OCIAD2: variants seen among roughly 807,000 people sequenced by gnomAD.
The protein encoded by OCIAD2 is OCIA domain containing 2, also known as OCIA domain-containing protein 2.
OCIAD2 carries 29 observed loss-of-function variants against 22.9 expected under a neutral mutation model. The ratio of observed to expected loss-of-function variants is 1.27; its 90% CI spans 0.94 to 1.73. OCIAD2 has a LOEUF of 1.73. Ranked by LOEUF, OCIAD2 falls within the 40% of genes most tolerant of loss-of-function variation. OCIAD2 has a pLI of 0.00. For synonymous variants in OCIAD2, 67 were observed against 60.2 expected (o/e 1.11, Z -0.52); for missense variants, 189 against 180.3 (o/e 1.05, Z -0.28).
chr4:48,892,185 G>A (rs1381944696), intron 6 of OCIAD2, among the ~76,000 whole-genome samples: 1 of 152,232 alleles, frequency 6.6e-6, no homozygotes, highest in Admixed American at 6.5e-5. Flanking sequence ...AGCACTTACT[G>A]AGTGTCATGA....
chr4:48,898,001 A>C (rs1781337207), intron 3 of OCIAD2, 144 bp from the exon 4 acceptor site: 1 of 649,622 alleles, frequency 1.5e-6, no homozygotes, highest in Non-Finnish European at 2.7e-6. Flanking sequence ...TATTCAACAA[A>C]TATTTATTAA....
chr4:48,904,779 T>A (rs952582287), intron 1 of OCIAD2, 168 bp from the exon 2 acceptor site: 2 of 596,646 alleles, frequency 3.4e-6, no homozygotes, highest in African/African-American at 3.7e-5. Flanking sequence ...CACACATACA[T>A]GCACTCACTA....
chr4:48,888,445 C>G (rs1171763896), intron 6 of OCIAD2, among the ~76,000 whole-genome samples: 2 of 152,128 alleles, frequency 1.3e-5, no homozygotes, highest in Non-Finnish European at 2.9e-5. Context: ...CAGTTTTTTC[C>G]CATTCAGTAT....
intron 2 of OCIAD2, among the ~76,000 whole-genome samples, 195 bp downstream of exon 2, chr4:48,904,289 C>T (rs1462755221): frequency 6.6e-6 from 1 of 151,932 alleles, no homozygotes; most frequent in African/African-American, 2.4e-5. Context: ...TCATGTCTAA[C>T]CACAAAAAAA....
At chr4:48,905,614 A>C (rs543514576) in intron 1 of OCIAD2, among the ~76,000 whole-genome samples, 1 of 152,304 alleles carries the variant, frequency 6.6e-6, no homozygotes, top group Non-Finnish European at 1.5e-5. Flanking sequence ...TGGCCACTGC[A>C]TTCTGCAGCC....
intron 2 of OCIAD2, among the ~76,000 whole-genome samples, chr4:48,901,525 T>C (rs1368482492): frequency 7.8e-6 from 1 of 128,068 alleles, no homozygotes; most frequent in Admixed American, 7.5e-5. Context: ...TCCAGTTTTC[T>C]AAGCTGATAG....
chr4:48,904,037 C>G (rs1781474079), intron 2 of OCIAD2, among the ~76,000 whole-genome samples: 2 of 152,026 alleles, frequency 1.3e-5, no homozygotes, highest in African/African-American at 4.8e-5. Flanking sequence ...CTTCCCCATC[C>G]TATTTTCCCT....
chr4:48,906,226 G>A (rs1019077556), intron 1 of OCIAD2, among the ~76,000 whole-genome samples: 1 of 152,138 alleles, frequency 6.6e-6, no homozygotes, highest in African/African-American at 2.4e-5. Flanking sequence ...CACCCCCCAC[G>A]CTGGGGTGGT....
At chr4:48,887,138 T>C (rs1281019603) in intron 6 of OCIAD2, among the ~76,000 whole-genome samples, 2 of 152,246 alleles carry the variant, frequency 1.3e-5, no homozygotes, top group African/African-American at 2.4e-5. Flanking sequence ...ATAAATGTCT[T>C]CTTTTGAGAA....
intron 3 of OCIAD2, among the ~76,000 whole-genome samples, chr4:48,899,371 G>C (rs576317471): frequency 1.3e-5 from 2 of 152,284 alleles, no homozygotes; most frequent in East Asian, 3.9e-4. Flanking sequence ...AGTATTAATG[G>C]AACGCGGCCA....
rs569095303 is a variant in OCIAD2 at position 48,903,390 on chromosome 4, A to C, written c.66+1094T>G. Reference sequence around the variant, plus strand: ...GCAAAATATTGCCTGTAATCTCAGCACTTTGGGAGGCTGAGGTGGGAGGAT... The same window carrying C: ...GCAAAATATTGCCTGTAATCTCAGCCCTTTGGGAGGCTGAGGTGGGAGGAT... On this transcript the variant is annotated intron_variant, in intron 2 of 6. Coordinates refer to ENST00000508632, the MANE Select transcript of OCIAD2 (RefSeq NM_001014446.3). 7.0e-4 allele frequency among the ~76,000 whole-genome samples: 107 copies of C among 152,128 alleles called. No individual in the cohort carries two copies. The South Asian group carries it at 8.9e-3, about 13-fold the overall frequency.
intron 2 of OCIAD2, among the ~76,000 whole-genome samples, chr4:48,903,635 GTTT>G (rs35445469): frequency 1.5e-5 from 2 of 133,478 alleles, no homozygotes; most frequent in Non-Finnish European, 3.2e-5. Context: ...TAAAGAAAGG[GTTT>G]TTTTTTTTTT....
chr4:48,885,678 G>T (rs1324488512), intron 6 of OCIAD2, 113 bp from the exon 7 acceptor site: 2 of 648,170 alleles, frequency 3.1e-6, no homozygotes, highest in Non-Finnish European at 2.7e-6. Flanking sequence ...TAGAGATGTG[G>T]GGGGAGTCTA....
At chr4:48,901,654 A>C (rs1188977008) in intron 2 of OCIAD2, among the ~76,000 whole-genome samples, 1 of 152,180 alleles carries the variant, frequency 6.6e-6, no homozygotes, top group Non-Finnish European at 1.5e-5. Flanking sequence ...AATTCCTGTA[A>C]TTGGATCTGG....
rs374847275 is a variant in OCIAD2, at chr4:48,887,654, C to T, written c.384-2089G>A. ...CAAAGATCAGATAGTTGTAGATATG[C>T]GGCATTATTTCTGAGGGCTCTGTTC... is the stretch of plus-strand genomic sequence containing the variant. On this transcript the variant is annotated intron_variant, in intron 6 of 6. Transcript: ENST00000508632. Among the ~76,000 whole-genome samples, 226 of 152,094 alleles carry T rather than the reference C, an allele frequency of 1.5e-3. 1 individual carries two copies. The highest frequency in any genetic ancestry group is 4.5e-3 in the African/African-American group (187 of 41,500).
At chr4:48,887,596 T>A (rs1781028357) in intron 6 of OCIAD2, among the ~76,000 whole-genome samples, 1 of 152,216 alleles carries the variant, frequency 6.6e-6, no homozygotes, top group South Asian at 2.1e-4. Context: ...AAGTAGGGAA[T>A]CCTTTCCCCA....
intron 6 of OCIAD2, among the ~76,000 whole-genome samples, chr4:48,888,458 T>C (rs1781060155): frequency 6.6e-6 from 1 of 152,198 alleles, no homozygotes; most frequent in South Asian, 2.1e-4. Flanking sequence ...TTCAGTATGA[T>C]ATTGGCTGTG....
chr4:48,906,380 GC>G (rs1198162154), intron 1 of OCIAD2, among the ~76,000 whole-genome samples: 1 of 152,186 alleles, frequency 6.6e-6, no homozygotes, highest in Non-Finnish European at 1.5e-5. Flanking sequence ...CGCCTGCAGG[GC>G]TGGACGGCGG....
intron 6 of OCIAD2, 77 bp downstream of exon 6, chr4:48,892,695 T>C (rs1330572761): frequency 1.4e-6 from 1 of 700,394 alleles, no homozygotes; most frequent in African/African-American, 1.8e-5. Context: ...TTGTGTTTAA[T>C]ATTATAAATA....
Sources: gnomAD v4.1 joint callset for allele counts (sites outside exome capture counted in the v4.1 genomes callset) on GRCh38, gnomAD v4.1.1 for gene constraint, MANE v1.5 for transcripts, NCBI Gene and HGNC (gene_info 2026-07-23, HGNC 2026-07-21) for gene names.